The following RANBP2 variants were observed in gnomAD, a reference collection of about 807,000 sequenced individuals.
RANBP2 encodes E3 SUMO-protein ligase RanBP2.
Under a neutral mutation model 303.6 loss-of-function variants are expected in RANBP2, and 57 were observed. That is an observed-to-expected ratio of 0.19 (90% CI 0.15 to 0.23). The LOEUF (loss-of-function observed/expected upper bound fraction) is 0.23. Ranked by LOEUF, RANBP2 falls within the 10% of genes least tolerant of loss-of-function variation. The pLI is 1.00. For synonymous variants in RANBP2, 1,167 were observed against 1,301.5 expected (o/e 0.90, Z 2.23); for missense variants, 3,138 against 3,780.8 (o/e 0.83, Z 4.46).
intron 7 of RANBP2, among the ~76,000 whole-genome samples, chr2:108,743,842 TTAAC>T (rs1696304057): frequency 6.6e-6 from 1 of 152,252 alleles, no homozygotes; most frequent in African/African-American, 2.4e-5. Context: ...TCAGTCTTTA[TTAAC>T]TACCACATAT....
chr2:109,726,888 G>A, the RANBP2 span, among the ~76,000 whole-genome samples: 1 of 152,198 alleles, frequency 6.6e-6, no homozygotes, highest in East Asian at 1.9e-4. Context: ...CACACTGGCT[G>A]CATGCCACTA....
intron 1 of RANBP2, among the ~76,000 whole-genome samples, chr2:108,728,390 C>A (rs1388280850): frequency 6.6e-6 from 1 of 152,116 alleles, no homozygotes; most frequent in African/African-American, 2.4e-5. Flanking sequence ...ACCTCCTGGG[C>A]TCAAGTGATT....
the RANBP2 span, among the ~76,000 whole-genome samples, chr2:108,818,354 A>G: frequency 4.6e-5 from 7 of 152,280 alleles, no homozygotes; most frequent in African/African-American, 1.7e-4. Context: ...TTTTTATATT[A>G]GTCTAATAAC....
At chr2:108,803,698 C>T in the RANBP2 span, among the ~76,000 whole-genome samples, 1 of 152,170 alleles carries the variant, frequency 6.6e-6, no homozygotes, top group South Asian at 2.1e-4. Flanking sequence ...GGAAACTTTA[C>T]CCTTGAGGGT....
At chr2:109,564,714 A>C in the RANBP2 span, among the ~76,000 whole-genome samples, 1 of 152,234 alleles carries the variant, frequency 6.6e-6, no homozygotes, top group African/African-American at 2.4e-5. Flanking sequence ...CTTGCAGTAT[A>C]AATACTGTAT....
At chr2:108,971,352 C>T in the RANBP2 span, among the ~76,000 whole-genome samples, 11 of 152,020 alleles carry the variant, frequency 7.2e-5, no homozygotes, top group East Asian at 3.9e-4. Context: ...AATTTCAGGC[C>T]GCACCCGAGA....
chr2:108,759,872 C>G (rs1676603133), intron 18 of RANBP2, among the ~76,000 whole-genome samples: 1 of 152,102 alleles, frequency 6.6e-6, no homozygotes, highest in Non-Finnish European at 1.5e-5. Context: ...ATCTTCTGTT[C>G]TTATACAAGC....
chr2:108,942,936 G>A, the RANBP2 span, among the ~76,000 whole-genome samples: 1 of 152,218 alleles, frequency 6.6e-6, no homozygotes, highest in Non-Finnish European at 1.5e-5. Context: ...TCCTAATCCT[G>A]GGATTAGACC....
chr2:108,788,812 T>G (rs1679406480), downstream of RANBP2: 1 of 1,612,300 alleles, frequency 6.2e-7, no homozygotes, highest in African/African-American at 1.3e-5. Flanking sequence ...TTGTGATATA[T>G]TGTTGTGGTA....
chr2:108,879,290 T>C, the RANBP2 span, among the ~76,000 whole-genome samples: 2 of 152,206 alleles, frequency 1.3e-5, no homozygotes. Flanking sequence ...TTTATAAAAT[T>C]ATCAAAGAAT....
the RANBP2 span, chr2:109,432,441 G>A: frequency 7.5e-6 from 12 of 1,592,170 alleles, no homozygotes; most frequent in Admixed American, 1.0e-4. Context: ...CAGGAATGCC[G>A]GCCGGTCCCC....
the RANBP2 span, among the ~76,000 whole-genome samples, chr2:109,180,679 T>C: frequency 3.9e-5 from 6 of 152,218 alleles, no homozygotes; most frequent in African/African-American, 1.4e-4. Context: ...ATGTCCTCCA[T>C]GTAAGATGTG....
chr2:109,211,512 C>T, the RANBP2 span, among the ~76,000 whole-genome samples: 1 of 152,178 alleles, frequency 6.6e-6, no homozygotes, highest in South Asian at 2.1e-4. Flanking sequence ...CCCAGTCTTC[C>T]AGGTATCCAG....
chr2:109,524,444 C>CAAA, the RANBP2 span, among the ~76,000 whole-genome samples: 19 of 84,372 alleles, frequency 2.3e-4, no homozygotes, highest in African/African-American at 7.9e-4. Context: ...GACCCTGTCT[C>CAAA]AAAAAAAAAA....
the RANBP2 span, among the ~76,000 whole-genome samples, chr2:109,333,182 G>A: frequency 4.6e-5 from 7 of 152,208 alleles, no homozygotes; most frequent in Admixed American, 2.0e-4. Context: ...CCTGCACCTC[G>A]GAAAGGCATG....
the RANBP2 span, among the ~76,000 whole-genome samples, chr2:109,600,632 C>A: frequency 6.6e-6 from 1 of 151,676 alleles, no homozygotes; most frequent in Admixed American, 6.6e-5. Flanking sequence ...TCCCACCCAC[C>A]CACCAAGCAA....
At chr2:109,016,630 C>T in the RANBP2 span, among the ~76,000 whole-genome samples, 1 of 152,332 alleles carries the variant, frequency 6.6e-6, no homozygotes, top group South Asian at 2.1e-4. Flanking sequence ...AAGCCCGGGA[C>T]CTGGCTGCAG....
chr2:109,450,957 G>A, the RANBP2 span, among the ~76,000 whole-genome samples: 2 of 152,342 alleles, frequency 1.3e-5, no homozygotes, highest in African/African-American at 2.4e-5. Context: ...CTTTCTCGAG[G>A]ACATTGCCAA....
At chr2:109,271,601 G>A in the RANBP2 span, among the ~76,000 whole-genome samples, 1 of 152,196 alleles carries the variant, frequency 6.6e-6, no homozygotes, top group Non-Finnish European at 1.5e-5. Context: ...TTCTGGAGTG[G>A]GGACCAACAA....
Sources: gnomAD v4.1 joint callset for allele counts (sites outside exome capture counted in the v4.1 genomes callset) on GRCh38, gnomAD v4.1.1 for gene constraint, MANE v1.5 for transcripts, NCBI Gene and HGNC (gene_info 2026-07-23, HGNC 2026-07-21) for gene names.